NOTCH4: variants seen among roughly 807,000 people sequenced by gnomAD.
The protein encoded by NOTCH4 is notch receptor 4, also known as neurogenic locus notch homolog protein 4.
Under a neutral mutation model 189.0 loss-of-function variants are expected in NOTCH4, and 138 were observed. That is an observed-to-expected ratio of 0.73 (90% confidence interval 0.64 to 0.84). The LOEUF is 0.84. Ranked by LOEUF, NOTCH4 falls within the 40% of genes least tolerant of loss-of-function variation. The pLI, the probability that NOTCH4 is intolerant of heterozygous loss-of-function variation, is 0.00. For missense variants in NOTCH4, 2,286 were observed against 2,605.4 expected (o/e 0.88, Z 2.67); for synonymous variants, 942 against 1,032.8 (o/e 0.91, Z 1.69).
intron 17 of NOTCH4, among the ~76,000 whole-genome samples, chr6:32,211,958 G>A (rs1179523322): frequency 1.3e-5 from 2 of 152,222 alleles, no homozygotes; most frequent in Non-Finnish European, 2.9e-5. Context: ...TGTCCCCTGA[G>A]TTCTGCATTC....
chr6:32,210,678 C>A lies in NOTCH4; in HGVS notation c.2865+74G>T. Reference sequence around the variant, plus strand: ...AGGTGAAATGGATACATTGGGTCTTCCCTCAGTCACTACTGTCTCTCCCAT... The same window carrying A: ...AGGTGAAATGGATACATTGGGTCTTACCTCAGTCACTACTGTCTCTCCCAT... On this transcript the variant is annotated intron_variant, in intron 18 of 29. Coordinates refer to ENST00000375023, the MANE Select transcript of NOTCH4 (RefSeq NM_004557.4). This position sits in a 1 kb window ranked among gnomAD's most constrained non-coding sequence, Gnocchi z 4.8. 1 of 1,433,566 alleles carries A rather than the reference C, an allele frequency of 7.0e-7. No homozygotes were observed. Among genetic ancestry groups the A allele is most frequent in the Middle Eastern group, 2.5e-4 (1 of 4,078 alleles). The allele number at this position is 1,433,566 out of a possible 1,614,324, so 88.8% of individuals were successfully genotyped here. A position where few individuals can be genotyped will look rare whatever the true frequency, so the allele number is the denominator to read the frequency against.
chr6:32,207,348 G>A (rs991711366), intron 18 of NOTCH4, among the ~76,000 whole-genome samples: 3 of 151,964 alleles, frequency 2.0e-5, no homozygotes, highest in Non-Finnish European at 2.9e-5. Flanking sequence ...CCTAGGCCGG[G>A]CGGGGTGGCT....
At chr6:32,214,321 C>T (rs1789237038) in intron 12 of NOTCH4, 66 bp from the exon 13 acceptor site, 1 of 1,559,748 alleles carries the variant, frequency 6.4e-7, no homozygotes, top group Non-Finnish European at 8.7e-7. Context: ...CTCCCTGCTG[C>T]CTGGACCCCT....
chr6:32,196,731 G>T (rs1787959528), intron 28 of NOTCH4, among the ~76,000 whole-genome samples, 194 bp downstream of exon 28: 1 of 152,134 alleles, frequency 6.6e-6, no homozygotes, highest in African/African-American at 2.4e-5. Context: ...TGGAGCGGAG[G>T]GCCAGTGTGG....
Position 32,221,318 on chromosome 6 carries a change from C to T in NOTCH4, c.459G>A (p.Gln153=). ...CSCMPGWTGE[Q]CQLRDFCSAN... is the part of the protein sequence containing the mutation. ...CTGAACAGAAGTCCCGAAGCTGGCA[C>T]TGCTCACCTGAGGCAGAGGACAGAG... Residue 153 remains glutamine, a synonymous_variant, in exon 4 of 30, where the codon CAG becomes CAA. Coordinates refer to ENST00000375023, the MANE Select transcript of NOTCH4 (RefSeq NM_004557.4). The surrounding 1 kb of genome is among the most constrained non-coding windows in gnomAD (Gnocchi z 4.3). 1 of 1,611,572 alleles carries T rather than the reference C, an allele frequency of 6.2e-7. No individual in the cohort carries two copies. The highest frequency in any genetic ancestry group is 8.5e-7 in the Non-Finnish European group (1 of 1,179,180).
chr6:32,203,472 C>T (rs1788479586), intron 20 of NOTCH4: 3 of 437,034 alleles, frequency 6.9e-6, no homozygotes, highest in Non-Finnish European at 1.2e-5. Flanking sequence ...TATACAAACA[C>T]ACACAGAGTT....
rs143622513 is a variant in NOTCH4 at position 32,214,165 on chromosome 6, C to T, written c.2112G>A (p.Gly704=). Residue 704 remains glycine (G), a synonymous_variant, in exon 13 of 30, where the codon GGG becomes GGA. Transcript: ENST00000375023. ...GCISAPCAHG[G]TCYPQPSGYN... is the part of the protein sequence containing the mutation. ...AGCCAGAGGGCTGGGGGTAGCAGGT[C>T]CCCCCATGGGCACAGGGTGCAGAGA... The T allele has an allele frequency of 4.3e-6, 7 of 1,613,172 alleles. No homozygotes were observed. The highest frequency in any genetic ancestry group is 2.2e-5 in the East Asian group (1 of 44,854).
At position 32,198,647 on chromosome 6, in the gene NOTCH4, A is replaced by AC; in HGVS notation, c.4617+1dup. ...AGACCATTCTTGCCCCAGCCCTTTC[A>AC]CCTGGCCCACCTCCTCTCCCTCCTC... On this transcript the variant is annotated splice_donor_variant, in intron 25 of 29. Transcript: ENST00000375023. LOFTEE classifies it high-confidence loss of function. This position sits in a 1 kb window ranked among gnomAD's most constrained non-coding sequence, Gnocchi z 5.5. 6.2e-7 allele frequency: 1 copy of AC among 1,611,330 alleles called. No individual in the cohort carries two copies. The highest frequency in any genetic ancestry group is 8.5e-7 in the Non-Finnish European group (1 of 1,179,280).
intron 3 of NOTCH4, 48 bp downstream of exon 3, chr6:32,222,463 C>T (rs369395006): frequency 8.2e-6 from 12 of 1,461,954 alleles, no homozygotes; most frequent in Non-Finnish European, 1.1e-5. Context: ...CACAGCCTAG[C>T]CCATTGCTCC....
At position 32,195,756 on chromosome 6, in the gene NOTCH4, C is replaced by T. The variant is rs370041101; in HGVS notation, c.5693G>A (p.Arg1898Gln). Reference sequence around the variant, plus strand: ...TCCTGCTCCTACTCCCGAGAGGCTCCGGCAATGAGAATAGGCCCCGCCCCC... The same window carrying T: ...TCCTGCTCCTACTCCCGAGAGGCTCTGGCAATGAGAATAGGCCCCGCCCCC... ...ARGGGAYSHC[R>Q]SLSGVGAGGG... is the part of the protein sequence containing the mutation. Residue 1898 changes from arginine (R) to glutamine (Q), a missense_variant, in exon 30 of 30, where the codon CGG (arginine) becomes CAG (glutamine). Arg to Gln is a conservative substitution (Grantham distance 43). Around this residue, in one of 2 missense-constraint regions of NOTCH4, gnomAD observed 383 missense variants for 343.5 expected, o/e 1.11. Transcript: ENST00000375023. The surrounding 1 kb of genome is among the most constrained non-coding windows in gnomAD (Gnocchi z 5.4). 33 of 1,611,642 alleles carry T rather than the reference C, an allele frequency of 2.0e-5. No individual in the cohort carries two copies. In the African/African-American group the frequency reaches 3.7e-4, roughly 18 times the overall value.
chr6:32,197,819 CT>C (rs9281668), intron 26 of NOTCH4, among the ~76,000 whole-genome samples: 203 of 132,964 alleles, frequency 1.5e-3, no homozygotes, highest in African/African-American at 3.6e-3. Context: ...GTGGTTTTCT[CT>C]TTTTTTTTTT....
chr6:32,201,682 A>C lies in NOTCH4; in HGVS notation c.3756-182T>G. On this transcript the variant is annotated intron_variant, in intron 21 of 29. Transcript: ENST00000375023. This position sits in a 1 kb window ranked among gnomAD's most constrained non-coding sequence, Gnocchi z 5.5. ...TCCAGACACCCCAATGTCTGCTAAC[A>C]CCCCTGTCTCCCTAGACTGTCCCCT... 1 of 486,996 alleles carries C rather than the reference A, an allele frequency of 2.1e-6. No individual in the cohort carries two copies. The highest frequency in any genetic ancestry group is 6.3e-5 in the South Asian group (1 of 15,778). 30.2% of individuals were successfully genotyped at this position (486,996 alleles called of 1,614,324 possible). A position where few individuals can be genotyped will look rare whatever the true frequency, so the allele number is the denominator to read the frequency against.
intron 18 of NOTCH4, 71 bp from the exon 19 acceptor site, chr6:32,204,460 A>C: frequency 5.6e-5 from 86 of 1,548,692 alleles, no homozygotes; most frequent in Non-Finnish European, 6.9e-5. Context: ...GACCCAGCTC[A>C]AGATAGTCTG....
At chr6:32,220,099 A>G (rs750977436) in intron 7 of NOTCH4, 30 bp downstream of exon 7, 11 of 1,609,198 alleles carry the variant, frequency 6.8e-6, no homozygotes, top group South Asian at 2.2e-5. Context: ...TCTGAGGCTC[A>G]GAGAGGCTCT....
At chr6:32,197,632 C>T in intron 26 of NOTCH4, 38 bp from the exon 27 acceptor site, 7 of 1,549,730 alleles carry the variant, frequency 4.5e-6, no homozygotes, top group Non-Finnish European at 6.1e-6. Flanking sequence ...ATCTAAAGGA[C>T]ACAACAAGGG....
chr6:32,205,594 G>T (rs974941116), intron 18 of NOTCH4, among the ~76,000 whole-genome samples: 4 of 146,682 alleles, frequency 2.7e-5, no homozygotes, highest in African/African-American at 1.0e-4. Flanking sequence ...GCTGAGTAAT[G>T]GGTGCCCAGA....
chr6:32,219,448 T>C, intron 8 of NOTCH4, 144 bp downstream of exon 8: 1 of 741,102 alleles, frequency 1.3e-6, no homozygotes, highest in East Asian at 2.7e-5. Flanking sequence ...TGTCCCTGAG[T>C]TTTCGTCTGG....
chr6:32,218,490 G>T (rs1163256281), intron 8 of NOTCH4, among the ~76,000 whole-genome samples: 1 of 152,150 alleles, frequency 6.6e-6, no homozygotes, highest in African/African-American at 2.4e-5. Context: ...CCCTGGGTGG[G>T]CCTCCATGCT....
Position 32,202,152 on chromosome 6 carries a change from C to T in NOTCH4, c.3679G>A (p.Gly1227Arg), listed in dbSNP as rs771496870. ...GAGTCACACTGTGGGTGGCACTGCC[C>T]GTCCCGGAAGAGAAGCCAGCACCGA... Reference protein sequence around the residue: ...HSRCWLLFRDGQCHPQCDSEE... With the variant: ...HSRCWLLFRDRQCHPQCDSEE... The change falls in exon 21 of 30, where the codon GGG becomes AGG. Residue 1227 changes from glycine (G) to arginine (R), a missense_variant. Transcript: ENST00000375023. This position sits in a 1 kb window ranked among gnomAD's most constrained non-coding sequence, Gnocchi z 5.7. The T allele has an allele frequency of 5.9e-6, 9 of 1,518,232 alleles. No individual in the cohort carries two copies. The highest frequency in any genetic ancestry group is 2.3e-5 in the East Asian group (1 of 43,982). The allele number at this position is 1,518,232 out of a possible 1,614,324, so 94.0% of individuals were successfully genotyped here. A position where few individuals can be genotyped will look rare whatever the true frequency, so the allele number is the denominator to read the frequency against.
Sources: gnomAD v4.1 joint callset for allele counts (sites outside exome capture counted in the v4.1 genomes callset) on GRCh38, gnomAD v4.1.1 for gene constraint, gnomAD v4.1.1 regional missense constraint, Gnocchi (gnomAD v3.1) non-coding constraint, MANE v1.5 for transcripts, NCBI Gene and HGNC (gene_info 2026-07-23, HGNC 2026-07-21) for gene names.